Variants in PPFIBP2 observed in about 807,000 individuals in gnomAD.
PPFIBP2 encodes the protein liprin-beta-2.
Under a neutral mutation model 118.3 loss-of-function variants are expected in PPFIBP2, and 118 were observed. That is an observed-to-expected ratio of 1.00 (90% CI 0.86 to 1.16). The LOEUF (loss-of-function observed/expected upper bound fraction) is 1.16. Among genes scored for constraint, PPFIBP2 ranks in the 50% most tolerant of loss-of-function variants. The pLI, the probability that PPFIBP2 is intolerant of heterozygous loss-of-function variation, is 0.00. For synonymous variants in PPFIBP2, 414 were observed against 397.4 expected (o/e 1.04, Z -0.50); for missense variants, 1,195 against 1,073.1 (o/e 1.11, Z -1.59).
intron 1 of PPFIBP2, among the ~76,000 whole-genome samples, chr11:7,523,353 A>T (rs1246987877): frequency 6.6e-6 from 1 of 152,154 alleles, no homozygotes; most frequent in Non-Finnish European, 1.5e-5. Flanking sequence ...AATGTGAAAC[A>T]TTTGAATTAT....
chr11:7,589,647 A>C (rs1206606861), intron 3 of PPFIBP2, among the ~76,000 whole-genome samples: 1 of 151,928 alleles, frequency 6.6e-6, no homozygotes, highest in Non-Finnish European at 1.5e-5. Flanking sequence ...AGCACGTAGC[A>C]TCCTTCAGAA....
At chr11:7,534,242 G>A (rs1851000119) in intron 1 of PPFIBP2, among the ~76,000 whole-genome samples, 1 of 152,194 alleles carries the variant, frequency 6.6e-6, no homozygotes, top group Admixed American at 6.5e-5. Flanking sequence ...CCAGGTGGTG[G>A]TTTGGTTTTT....
chr11:7,634,470 T>C (rs769635993), intron 12 of PPFIBP2, 25 bp from the exon 13 acceptor site: 2 of 1,569,494 alleles, frequency 1.3e-6, no homozygotes, highest in South Asian at 2.2e-5. Flanking sequence ...CTCATAACTA[T>C]TTCTTTCTTT....
chr11:7,549,184 T>A (rs1296456058), intron 1 of PPFIBP2, among the ~76,000 whole-genome samples: 1 of 152,162 alleles, frequency 6.6e-6, no homozygotes, highest in Non-Finnish European at 1.5e-5. Flanking sequence ...ATTGCCGTCT[T>A]GCTGCCACAG....
rs1438321357 is a variant in PPFIBP2, at chr11:7,649,536, A to G, written c.2003A>G (p.Asp668Gly). The G allele has an allele frequency of 1.9e-6, 3 of 1,614,084 alleles. No individual in the cohort carries two copies. The highest frequency in any genetic ancestry group is 2.5e-6 in the Non-Finnish European group (3 of 1,180,022). ...RRMLQYLTVN[D>G]LLFLKVTSQL... Reference sequence around the variant, plus strand: ...AACCAAACTTTCCTCTTTCAGAACGATTTACTCTTCTTAAAAGTCACCAGC... The same window carrying G: ...AACCAAACTTTCCTCTTTCAGAACGGTTTACTCTTCTTAAAAGTCACCAGC... Residue 668 changes from aspartate to glycine, a missense_variant, in exon 21 of 24, where the codon GAT becomes GGT. Physicochemically the swap from Asp to Gly is moderately conservative, Grantham distance 94 (BLOSUM62 -1). Coordinates refer to ENST00000299492, the MANE Select transcript of PPFIBP2 (RefSeq NM_003621.5).
chr11:7,608,240 GT>G (rs1847630656), intron 5 of PPFIBP2, among the ~76,000 whole-genome samples: 1 of 152,152 alleles, frequency 6.6e-6, no homozygotes, highest in African/African-American at 2.4e-5. Context: ...ATTTTAGCAT[GT>G]TTTTTTAAAT....
chr11:7,594,175 T>C (rs765159133), intron 4 of PPFIBP2, among the ~76,000 whole-genome samples: 1 of 152,216 alleles, frequency 6.6e-6, no homozygotes, highest in Non-Finnish European at 1.5e-5. Context: ...TCTTTCATTG[T>C]ATTTTATGAA....
At chr11:7,562,972 T>TACACACACACACAC (rs1310851323) in intron 2 of PPFIBP2, among the ~76,000 whole-genome samples, 28 of 92,630 alleles carry the variant, frequency 3.0e-4, no homozygotes, top group African/African-American at 1.1e-3. Context: ...TATATATATA[T>TACACACACACACAC]ATATACACGC....
chr11:7,662,508 G>C, the PPFIBP2 span, among the ~76,000 whole-genome samples: 2,180 of 151,756 alleles, frequency 0.014, 47 homozygotes, highest in African/African-American at 0.05. Flanking sequence ...GGTTTCTGCT[G>C]AGAGATCCGC....
chr11:7,560,843 G>A (rs1481025420), intron 2 of PPFIBP2, among the ~76,000 whole-genome samples: 1 of 152,196 alleles, frequency 6.6e-6, no homozygotes, highest in African/African-American at 2.4e-5. Context: ...TTACGTAGGT[G>A]AAAATTGAAT....
At position 7,653,715 on chromosome 11, in the gene PPFIBP2, G is replaced by C; in HGVS notation, c.*497G>C. The C allele has an allele frequency of 3.2e-6, 4 of 1,251,492 alleles. No homozygotes were observed. Among genetic ancestry groups the C allele is most frequent in the South Asian group, 2.7e-5 (2 of 75,170 alleles). 77.5% of individuals were successfully genotyped at this position (1,251,492 alleles called of 1,614,324 possible). A position where few individuals can be genotyped will look rare whatever the true frequency, so the allele number is the denominator to read the frequency against. ...TTGTGTTGTGCCTTACTTCAGAGGTGGTCTCTTCTTTCTTGTAATAAAAGC... is the reference window on the plus strand; with the variant it reads ...TTGTGTTGTGCCTTACTTCAGAGGTCGTCTCTTCTTTCTTGTAATAAAAGC... On this transcript the variant is annotated 3_prime_UTR_variant, in exon 24 of 24. Transcript: ENST00000299492.
At chr11:7,610,195 C>T (rs1448821272) in intron 5 of PPFIBP2, 96 bp from the exon 6 acceptor site, 1 of 1,431,628 alleles carries the variant, frequency 7.0e-7, no homozygotes, top group Non-Finnish European at 9.7e-7. Context: ...TTGTTGAACA[C>T]ACAACTTAGG....
intron 15 of PPFIBP2, 64 bp from the exon 16 acceptor site, chr11:7,641,415 G>A (rs1030132601): frequency 4.5e-6 from 7 of 1,568,196 alleles, no homozygotes; most frequent in Non-Finnish European, 6.1e-6. Context: ...GCCCAGGCTT[G>A]GGGAAGAAGG....
At chr11:7,601,283 C>T (rs1456215622) in intron 5 of PPFIBP2, among the ~76,000 whole-genome samples, 2 of 152,212 alleles carry the variant, frequency 1.3e-5, no homozygotes, top group African/African-American at 4.8e-5. Context: ...CTCATCCAGC[C>T]TCCAGAAAGA....
chr11:7,657,872 C>T (rs1454106468), downstream of PPFIBP2, among the ~76,000 whole-genome samples: 1 of 152,246 alleles, frequency 6.6e-6, no homozygotes, highest in African/African-American at 2.4e-5. Context: ...CCCGTCCTCA[C>T]CACAAACTTG....
chr11:7,649,428 C>T (rs189282047), intron 20 of PPFIBP2, 104 bp from the exon 21 acceptor site: 1 of 1,482,134 alleles, frequency 6.7e-7, no homozygotes, highest in East Asian at 2.3e-5. Flanking sequence ...CGTGCACCTT[C>T]CTGAGATGTG....
intron 3 of PPFIBP2, among the ~76,000 whole-genome samples, chr11:7,568,613 G>C (rs1290823256): frequency 4.6e-5 from 7 of 152,176 alleles, no homozygotes; most frequent in Non-Finnish European, 1.5e-5. Context: ...CATAGAGGGA[G>C]GTGGCCTCTG....
chr11:7,629,321 G>A, intron 9 of PPFIBP2, 138 bp from the exon 10 acceptor site: 1 of 781,578 alleles, frequency 1.3e-6, no homozygotes, highest in Non-Finnish European at 2.2e-6. Flanking sequence ...TCTGTGGAAT[G>A]GGGCCTGGAC....
chr11:7,598,758 G>T (rs943417124), intron 5 of PPFIBP2, among the ~76,000 whole-genome samples: 7 of 152,022 alleles, frequency 4.6e-5, no homozygotes, highest in Non-Finnish European at 1.0e-4. Flanking sequence ...TAATTGTCAT[G>T]ATCAGCATAA....
Sources: gnomAD v4.1 joint callset for allele counts (sites outside exome capture counted in the v4.1 genomes callset) on GRCh38, gnomAD v4.1.1 for gene constraint, MANE v1.5 for transcripts, NCBI Gene and HGNC (gene_info 2026-07-23, HGNC 2026-07-21) for gene names.